FAT2: variants seen among roughly 807,000 people sequenced by gnomAD.
The protein encoded by FAT2 is FAT atypical cadherin 2.
A neutral mutation model predicts 295.3 loss-of-function variants in FAT2; 150 were observed. The observed-to-expected ratio is 0.51, with a 90% confidence interval of 0.44 to 0.58. The LOEUF is 0.58. Among genes scored for constraint, FAT2 ranks in the 20% least tolerant of loss-of-function variants. FAT2 has a pLI of 0.00. For synonymous variants in FAT2, 2,026 were observed against 2,150.3 expected, an observed-to-expected ratio of 0.94 and a Z score of 1.60; for missense variants, 4,868 against 5,442.7, an observed-to-expected ratio of 0.89 and a Z score of 3.32.
chr5:151,548,187 G>C lies in FAT2; in HGVS notation c.4789+1108C>G, dbSNP rs558865079. On this transcript the variant is annotated intron_variant, in intron 9 of 23. Coordinates refer to ENST00000261800, the MANE Select transcript of FAT2 (RefSeq NM_001447.3). The stretch of plus-strand genomic sequence containing the variant: ...GCTTTATACAGTACCAGTAGCTACT[G>C]TATAAGCTACTGACATGCAATAAAT... Among the ~76,000 whole-genome samples, 3 of 152,272 alleles carry C rather than the reference G, an allele frequency of 2.0e-5. No individual in the cohort carries two copies. The East Asian group carries it at 5.8e-4, about 29-fold the overall frequency.
Position 151,507,212 on chromosome 5 carries a change from G to A in FAT2, c.12459C>T (p.Val4153=), listed in dbSNP as rs1250891084. ...SVPPRLPPAA[V]PSHSDNEPVI... ...CAGGCTCATTGTCAGAGTGGGAAGG[G>A]ACCGCAGCTGGCGGGAGTCTGGGGG... Residue 4153 remains valine (V), a synonymous_variant, in exon 23 of 24, where the codon GTC becomes GTT. Coordinates refer to ENST00000261800, the MANE Select transcript of FAT2 (RefSeq NM_001447.3). 9 of 1,612,316 alleles carry A rather than the reference G, an allele frequency of 5.6e-6. No homozygotes were observed. Among genetic ancestry groups the A allele is most frequent in the Non-Finnish European group, 6.8e-6 (8 of 1,178,880 alleles).
chr5:151,534,326 A>T, intron 13 of FAT2, 83 bp downstream of exon 13: 1 of 1,114,658 alleles, frequency 9.0e-7, no homozygotes, highest in Non-Finnish European at 1.3e-6. Context: ...TACCAGTCCT[A>T]GAGAGACACA....
intron 17 of FAT2, 87 bp downstream of exon 17, chr5:151,527,147 G>A (rs1297324039): frequency 1.5e-6 from 2 of 1,325,140 alleles, no homozygotes; most frequent in African/African-American, 2.9e-5. Flanking sequence ...CATTGTTCAT[G>A]TGGACTAATG....
chr5:151,546,262 T>C lies in FAT2; in HGVS notation c.4865A>G (p.Asn1622Ser). The change falls in exon 10 of 24, where the codon AAT (asparagine) becomes AGT (serine). Residue 1622 changes from asparagine (N) to serine (S), a missense_variant. Physicochemically the swap from Asn to Ser is conservative, Grantham distance 46. Around this residue, in one of 5 missense-constraint regions of FAT2, gnomAD observed 3,297 missense variants for 3,669.4 expected, o/e 0.90. Coordinates refer to ENST00000261800, the MANE Select transcript of FAT2 (RefSeq NM_001447.3). ...CACTGTCAGAGTATGTGGGGCATGA[T>C]TTGCCTGATCAAGCTTTTGAGCTAG... Reference protein sequence around the residue: ...ITLAQKLDQANHAPHTLTVKA... With the variant: ...ITLAQKLDQASHAPHTLTVKA... 6.2e-7 allele frequency: 1 copy of C among 1,614,164 alleles called. No individual in the cohort carries two copies. The highest frequency in any genetic ancestry group is 8.5e-7 in the Non-Finnish European group (1 of 1,180,006).
rs562234883 is a variant in FAT2 at position 151,513,095 on chromosome 5, G to T, written c.11464-489C>A. On this transcript the variant is annotated intron_variant, in intron 20 of 23. Coordinates refer to ENST00000261800, the MANE Select transcript of FAT2 (RefSeq NM_001447.3). ...TAATCCTAAGAGTTGATTTGCCTTT[G>T]TTTTCTCACAAGTATACAACAGAGT... is the stretch of plus-strand genomic sequence containing the variant. 2.0e-5 allele frequency among the ~76,000 whole-genome samples: 3 copies of T among 152,184 alleles called. No individual in the cohort carries two copies. The East Asian group carries it at 5.8e-4, about 29-fold the overall frequency.
At position 151,566,800 on chromosome 5, in the gene FAT2, G is replaced by T; in HGVS notation, c.2132C>A (p.Thr711Asn). The change falls in exon 2 of 24, where the codon ACC (threonine) becomes AAC (asparagine). Residue 711 changes from threonine (T) to asparagine (N), a missense_variant. Around this residue, in one of 5 missense-constraint regions of FAT2, gnomAD observed 3,297 missense variants for 3,669.4 expected, o/e 0.90. Transcript: ENST00000261800. ...GGGGAAGTGGTCCTCAAACTGTGGG[G>T]TGTAATGATTAATCTGATATGTGCT... is the stretch of plus-strand genomic sequence containing the variant. ...SLSTYQINHY[T>N]PQFEDHFPQS... 1.2e-6 allele frequency: 2 copies of T among 1,614,180 alleles called. No homozygotes were observed. Among genetic ancestry groups the T allele is most frequent in the Non-Finnish European group, 1.7e-6 (2 of 1,180,030 alleles).
At position 151,505,860 on chromosome 5, in the gene FAT2, A is replaced by T. The variant is rs1457024853; in HGVS notation, c.12755T>A (p.Met4252Lys). The T allele has an allele frequency of 6.2e-7, 1 of 1,609,584 alleles. No individual in the cohort carries two copies. The highest frequency in any genetic ancestry group is 2.2e-5 in the East Asian group (1 of 44,850). Residue 4252 changes from methionine to lysine, a missense_variant, in exon 24 of 24, where the codon ATG (methionine) becomes AAG (lysine). Around this residue, in one of 5 missense-constraint regions of FAT2, gnomAD observed 492 missense variants for 482.6 expected, o/e 1.02. Transcript: ENST00000261800. ...RYSNQNLEDL[M>K]PSRPPSPRER... ...CCGGGGACTAGGGGGCCGAGAGGGCATCAGATCTTCCAGGTTCTGGTTGCT... is the reference window on the plus strand; with the variant it reads ...CCGGGGACTAGGGGGCCGAGAGGGCTTCAGATCTTCCAGGTTCTGGTTGCT...
In FAT2 at chr5:151,505,489, A is replaced by T; in HGVS notation, c.*76T>A. ...CCACTCTCCCAGCCACACTCAACTC[A>T]CCCCCTACGAGACAGGAAGAAATAA... On this transcript the variant is annotated 3_prime_UTR_variant, in exon 24 of 24. Transcript: ENST00000261800. The T allele has an allele frequency of 6.4e-7, 1 of 1,563,478 alleles. No homozygotes were observed. Among genetic ancestry groups the T allele is most frequent in the Non-Finnish European group, 8.7e-7 (1 of 1,148,168 alleles).
chr5:151,553,095 G>C lies in FAT2; in HGVS notation c.4156+82C>G, dbSNP rs766150652. On this transcript the variant is annotated intron_variant, in intron 6 of 23. Transcript: ENST00000261800. Reference sequence around the variant, plus strand: ...AGGAGCCCGACCTTGAGAAGAGTCAGAAGGACTGTAGCAGGAAAACTAGAG... The same window carrying C: ...AGGAGCCCGACCTTGAGAAGAGTCACAAGGACTGTAGCAGGAAAACTAGAG... The C allele has an allele frequency of 3.3e-5, 47 of 1,413,968 alleles. 1 individual carries two copies. The highest frequency in any genetic ancestry group is 8.5e-5 in the Admixed American group (5 of 58,784). The allele number at this position is 1,413,968 out of a possible 1,614,324, so 87.6% of individuals were successfully genotyped here. A position where few individuals can be genotyped will look rare whatever the true frequency, so the allele number is the denominator to read the frequency against.
chr5:151,537,709 TCTC>T, intron 12 of FAT2, 81 bp downstream of exon 12: 1 of 1,370,434 alleles, frequency 7.3e-7, no homozygotes, highest in Non-Finnish European at 1.0e-6. Flanking sequence ...TCCTGTTTCT[TCTC>T]CAAGGAGAAT....
chr5:151,568,803 A>G lies in FAT2; in HGVS notation c.129T>C (p.Tyr43=). The change falls in exon 2 of 24, where the codon TAT becomes TAC. Residue 43 remains tyrosine (Y), a synonymous_variant. Transcript: ENST00000261800. ...FTHSHYNATI[Y]ENSSPKTYVE... Reference sequence around the variant, plus strand: ...CATAGGTCTTGGGAGAAGAATTTTCATAGATGGTGGCATTGTAATGGGAGT... The same window carrying G: ...CATAGGTCTTGGGAGAAGAATTTTCGTAGATGGTGGCATTGTAATGGGAGT... 6.2e-7 allele frequency: 1 copy of G among 1,614,086 alleles called. No individual in the cohort carries two copies. Among genetic ancestry groups the G allele is most frequent in the Non-Finnish European group, 8.5e-7 (1 of 1,180,026 alleles).
At chr5:151,593,943 C>G (rs1057066804), upstream of FAT2, among the ~76,000 whole-genome samples, 1 of 152,086 alleles carries the variant, frequency 6.6e-6, no homozygotes, top group African/African-American at 2.4e-5. Flanking sequence ...GTGGAGGTTA[C>G]AGTGAGCCAA....
At chr5:151,521,130 A>G (rs1041796030) in intron 19 of FAT2, 146 bp downstream of exon 19, 4 of 744,196 alleles carry the variant, frequency 5.4e-6, no homozygotes, top group African/African-American at 1.8e-5. Flanking sequence ...TGAGGCCACT[A>G]GCCGTCTTAT....
At position 151,525,898 on chromosome 5, in the gene FAT2, C is replaced by G. The variant is rs745811126; in HGVS notation, c.10376G>C (p.Gly3459Ala). Reference protein sequence around the residue: ...ILSDPDSPENGPPYSFRITKG... With the variant: ...ILSDPDSPENAPPYSFRITKG... ...GGTGATTCGAAACGAGTAGGGGGGGCCATTCTCTGGAGAATCTGGGTCACT... is the reference window on the plus strand; with the variant it reads ...GGTGATTCGAAACGAGTAGGGGGGGGCATTCTCTGGAGAATCTGGGTCACT... The change falls in exon 18 of 24, where the codon GGC (glycine) becomes GCC (alanine). Residue 3459 changes from glycine to alanine, a missense_variant. Physicochemically the swap from Gly to Ala is moderately conservative, Grantham distance 60. This residue lies in a region of FAT2 where 1,046 missense variants were observed against 1,210.1 expected (regional missense o/e 0.86). Coordinates refer to ENST00000261800, the MANE Select transcript of FAT2 (RefSeq NM_001447.3). 13 of 1,614,032 alleles carry G rather than the reference C, an allele frequency of 8.1e-6. No individual in the cohort carries two copies. Among genetic ancestry groups the G allele is most frequent in the African/African-American group, 1.3e-5 (1 of 74,906 alleles).
At chr5:151,516,408 C>G (rs1418357879) in intron 20 of FAT2, among the ~76,000 whole-genome samples, 2 of 152,072 alleles carry the variant, frequency 1.3e-5, no homozygotes, top group Non-Finnish European at 2.9e-5. Context: ...TCCAGCTACT[C>G]CAGAGACTGA....
At position 151,512,717 on chromosome 5, in the gene FAT2, G is replaced by A; in HGVS notation, c.11464-111C>T. On this transcript the variant is annotated intron_variant, in intron 20 of 23. Transcript: ENST00000261800. This position sits in a 1 kb window ranked among gnomAD's most constrained non-coding sequence, Gnocchi z 4.1. ...TTGTATTTTTATGGGTAGGAGGGGG[G>A]TGTTTGGCTGTTTTAGACATGGCAT... The A allele has an allele frequency of 2.0e-6, 2 of 998,428 alleles. No homozygotes were observed. Among genetic ancestry groups the A allele is most frequent in the Admixed American group, 2.7e-5 (1 of 36,830 alleles). The allele number at this position is 998,428 out of a possible 1,614,324, so 61.8% of individuals were successfully genotyped here.
intron 12 of FAT2, among the ~76,000 whole-genome samples, chr5:151,536,291 G>A (rs1237194965): frequency 5.3e-5 from 8 of 152,178 alleles, no homozygotes; most frequent in African/African-American, 1.9e-4. Context: ...GCAGAGAGAG[G>A]TTAAATAACC....
At position 151,550,763 on chromosome 5, in the gene FAT2, G is replaced by T. The variant is rs35884212; in HGVS notation, c.4405C>A (p.Arg1469=). Residue 1469 remains arginine, a synonymous_variant, in exon 8 of 24, where the codon CGA becomes AGA. Coordinates refer to ENST00000261800, the MANE Select transcript of FAT2 (RefSeq NM_001447.3). ...TTGTCTTGATCTATGGCCTGGACTC[G>T]CAGGAGCTCTACCCCTGGCACGGTG... The part of the protein sequence containing the change: ...QDTVPGVELL[R]VQAIDQDKGK... 819 of 1,614,048 alleles carry T rather than the reference G, an allele frequency of 5.1e-4. 8 individuals carry two copies. The South Asian group carries it at 5.2e-3, about 10-fold the overall frequency.
At chr5:151,578,721 T>A (rs1299816061) in intron 1 of FAT2, among the ~76,000 whole-genome samples, 2 of 152,240 alleles carry the variant, frequency 1.3e-5, no homozygotes, top group Non-Finnish European at 2.9e-5. Context: ...ACCGTAAATG[T>A]CCATCAGTAG....
Sources: gnomAD v4.1 joint callset for allele counts (sites outside exome capture counted in the v4.1 genomes callset) on GRCh38, gnomAD v4.1.1 for gene constraint, gnomAD v4.1.1 regional missense constraint, Gnocchi (gnomAD v3.1) non-coding constraint, MANE v1.5 for transcripts, NCBI Gene and HGNC (gene_info 2026-07-23, HGNC 2026-07-21) for gene names.